The following FAM76A variants were observed in gnomAD, a reference collection of about 807,000 sequenced individuals.
The protein encoded by FAM76A is family with sequence similarity 76 member A.
Under a neutral mutation model 46.2 loss-of-function variants are expected in FAM76A, and 32 were observed. The observed-to-expected ratio is 0.69, with a 90% confidence interval of 0.52 to 0.93. The LOEUF is 0.93. Ranked by LOEUF, FAM76A falls within the 40% of genes least tolerant of loss-of-function variation. The pLI is 0.00. For missense variants in FAM76A, 274 were observed against 361.5 expected (o/e 0.76, Z 1.96); for synonymous variants, 137 against 127.0 (o/e 1.08, Z -0.53).
At chr1:27,741,153 A>G (rs1320663181) in intron 4 of FAM76A, among the ~76,000 whole-genome samples, 4 of 149,784 alleles carry the variant, frequency 2.7e-5, no homozygotes, top group Admixed American at 2.7e-4. Flanking sequence ...AACAACAACA[A>G]TTCATGTGGT....
intron 2 of FAM76A, among the ~76,000 whole-genome samples, chr1:27,730,822 T>C (rs76062689): frequency 0.041 from 6,183 of 152,114 alleles, 199 homozygotes; most frequent in Middle Eastern, 0.14. Flanking sequence ...GACTAGTTTT[T>C]TGTGTGTGTG....
chr1:27,749,875 G>A (rs74065619), intron 6 of FAM76A, among the ~76,000 whole-genome samples: 26,375 of 152,138 alleles, frequency 0.17, 6,057 homozygotes, highest in African/African-American at 0.52. Flanking sequence ...GCATTTGCAT[G>A]TTTTTGTTTC....
Position 27,761,714 on chromosome 1 carries a change from C to G in FAM76A, c.*1133C>G, listed in dbSNP as rs937162965. 3.9e-5 allele frequency: 6 copies of G among 152,172 alleles called. No individual in the cohort carries two copies. Among genetic ancestry groups the G allele is most frequent in the African/African-American group, 1.2e-4 (5 of 41,394 alleles). The allele number at this position is 152,172 out of a possible 1,614,324, so 9.4% of individuals were successfully genotyped here. ...CGGTGGCTCACGCCTGTAATACCAG[C>G]AATTTGGGAGGCCAAGGCGGGTGGA... On this transcript the variant is annotated 3_prime_UTR_variant, in exon 9 of 9. Transcript: ENST00000373954.
intron 3 of FAM76A, among the ~76,000 whole-genome samples, chr1:27,733,287 T>C (rs780913582): frequency 2.0e-5 from 3 of 152,204 alleles, no homozygotes; most frequent in African/African-American, 7.2e-5. Context: ...CTAGTCATTT[T>C]GATGAATGAT....
Position 27,749,139 on chromosome 1 carries a change from C to G in FAM76A, c.584C>G (p.Thr195Arg). ...AAAAAGTCCAAGTTTGAGTCAATCA[C>G]AACTAATGGAGACAGGTGAGCCAGT... is the stretch of plus-strand genomic sequence containing the variant. The part of the protein sequence containing the change: ...PKKKSKFESI[T>R]TNGDSFSPDL... The change falls in exon 6 of 9, where the codon ACA (threonine) becomes AGA (arginine). Residue 195 changes from threonine (T) to arginine (R), a missense_variant. Transcript: ENST00000373954. 1.2e-6 allele frequency: 2 copies of G among 1,605,196 alleles called. No individual in the cohort carries two copies. Among genetic ancestry groups the G allele is most frequent in the Non-Finnish European group, 1.7e-6 (2 of 1,177,420 alleles).
At chr1:27,743,904 G>T (rs1195747479) in intron 4 of FAM76A, among the ~76,000 whole-genome samples, 1 of 151,618 alleles carries the variant, frequency 6.6e-6, no homozygotes, top group Admixed American at 6.6e-5. Context: ...TCACACCACT[G>T]CATTCTAGTC....
At chr1:27,743,431 A>C (rs982469829) in intron 4 of FAM76A, among the ~76,000 whole-genome samples, 1 of 152,108 alleles carries the variant, frequency 6.6e-6, no homozygotes, top group Non-Finnish European at 1.5e-5. Flanking sequence ...ACATATCTCA[A>C]AACATGTTTT....
At chr1:27,733,569 C>T (rs193209794) in intron 3 of FAM76A, among the ~76,000 whole-genome samples, 247 of 151,990 alleles carry the variant, frequency 1.6e-3, no homozygotes, top group Middle Eastern at 0.014. Flanking sequence ...GCTTCATGGC[C>T]GGGCGTGGTG....
chr1:27,734,289 T>G, intron 4 of FAM76A, 106 bp downstream of exon 4: 1 of 1,198,574 alleles, frequency 8.3e-7, no homozygotes, highest in East Asian at 2.8e-5. Flanking sequence ...GGCTCATGCC[T>G]GTAATCCCAG....
chr1:27,737,332 T>C (rs1007529337), intron 4 of FAM76A, among the ~76,000 whole-genome samples: 8 of 152,136 alleles, frequency 5.3e-5, no homozygotes, highest in African/African-American at 1.7e-4. Flanking sequence ...TTTATATTCA[T>C]TGTTTGTTCT....
At chr1:27,752,500 A>G (rs1203634762) in intron 6 of FAM76A, among the ~76,000 whole-genome samples, 1 of 152,232 alleles carries the variant, frequency 6.6e-6, no homozygotes, top group Non-Finnish European at 1.5e-5. Context: ...TTCCATAGGC[A>G]ATCAAAAAAG....
Position 27,726,149 on chromosome 1 carries a change from G to A in FAM76A, c.69G>A (p.Gln23=). 2.3e-6 allele frequency: 3 copies of A among 1,305,398 alleles called. No homozygotes were observed. The highest frequency in any genetic ancestry group is 2.0e-6 in the Non-Finnish European group (2 of 1,022,616). The allele number at this position is 1,305,398 out of a possible 1,614,324, so 80.9% of individuals were successfully genotyped here. A position where few individuals can be genotyped will look rare whatever the true frequency, so the allele number is the denominator to read the frequency against. ...CCTTCGAGGCGCTGTCTCAGGGGCA[G>A]CAGCTGTGCAAGGTGCGCGGGCTGG... ...RFPFEALSQG[Q]QLCKECRIAH... Residue 23 remains glutamine (Q), a synonymous_variant, in exon 1 of 9, where the codon CAG becomes CAA. Coordinates refer to ENST00000373954, the MANE Select transcript of FAM76A (RefSeq NM_152660.3).
chr1:27,748,630 C>T (rs950354695), intron 5 of FAM76A, among the ~76,000 whole-genome samples: 1 of 151,472 alleles, frequency 6.6e-6, no homozygotes, highest in African/African-American at 2.4e-5. Context: ...TACAGGCGCC[C>T]GCCACCTCGC....
chr1:27,757,764 C>G (rs1457949311), intron 7 of FAM76A, among the ~76,000 whole-genome samples: 3 of 152,094 alleles, frequency 2.0e-5, no homozygotes, highest in African/African-American at 7.2e-5. Flanking sequence ...ATCACGAGGG[C>G]AGGAGATCAA....
chr1:27,753,500 C>T (rs910096903), intron 6 of FAM76A, among the ~76,000 whole-genome samples: 1 of 152,204 alleles, frequency 6.6e-6, no homozygotes, highest in Middle Eastern at 3.2e-3. Flanking sequence ...AGTACTTTCT[C>T]CTGCACACCT....
At chr1:27,740,489 G>C in intron 4 of FAM76A, 1 of 1,452,582 alleles carries the variant, frequency 6.9e-7, no homozygotes, top group African/African-American at 1.4e-5. Context: ...TCCTGACACT[G>C]TCCACAAGTG....
At chr1:27,739,860 A>G (rs2088121390) in intron 4 of FAM76A, 1 of 192,154 alleles carries the variant, frequency 5.2e-6, no homozygotes, top group African/African-American at 2.4e-5. Context: ...AGGCTATGGT[A>G]CAGAGTTTGA....
intron 7 of FAM76A, among the ~76,000 whole-genome samples, chr1:27,758,058 G>T (rs1466976501): frequency 6.6e-6 from 1 of 151,854 alleles, no homozygotes; most frequent in African/African-American, 2.4e-5. Flanking sequence ...TTTCTTCTTA[G>T]GGGTTTCTGA....
At chr1:27,747,193 T>C (rs988413667) in intron 5 of FAM76A, among the ~76,000 whole-genome samples, 1 of 152,238 alleles carries the variant, frequency 6.6e-6, no homozygotes, top group African/African-American at 2.4e-5. Context: ...TCCCAGATGA[T>C]TCTAATGCAG....
Sources: allele counts gnomAD v4.1 joint callset (sites outside exome capture counted in the v4.1 genomes callset), GRCh38; gene constraint gnomAD v4.1.1; transcripts MANE v1.5; gene names NCBI Gene and HGNC (gene_info 2026-07-23, HGNC 2026-07-21).